The following UVRAG variants were observed in gnomAD, a reference collection of about 807,000 sequenced individuals.
UVRAG encodes UV radiation resistance-associated gene protein.
Under a neutral mutation model 78.0 loss-of-function variants are expected in UVRAG, and 19 were observed. The ratio of observed to expected loss-of-function variants is 0.24; its 90% CI spans 0.17 to 0.36. UVRAG has a LOEUF of 0.36. Ranked by LOEUF, UVRAG falls within the 10% of genes least tolerant of loss-of-function variation. The pLI is 1.00. For missense variants in UVRAG, 740 were observed against 853.8 expected, an observed-to-expected ratio of 0.87 and a Z score of 1.66; for synonymous variants, 323 against 324.6, an observed-to-expected ratio of 1.00 and a Z score of 0.05.
chr11:76,042,082 T>C (rs1049193357), intron 12 of UVRAG, among the ~76,000 whole-genome samples: 3 of 152,176 alleles, frequency 2.0e-5, no homozygotes, highest in Admixed American at 2.0e-4. Flanking sequence ...AGAAACTTGC[T>C]CAAAGGAGGG....
chr11:75,971,749 G>C (rs778924381), intron 7 of UVRAG, among the ~76,000 whole-genome samples: 7 of 151,686 alleles, frequency 4.6e-5, no homozygotes, highest in Non-Finnish European at 1.0e-4. Flanking sequence ...GCTGTAGCAC[G>C]ATCCTGGTTC....
chr11:75,857,335 G>C (rs971797244), intron 2 of UVRAG, among the ~76,000 whole-genome samples: 8 of 152,326 alleles, frequency 5.3e-5, no homozygotes, highest in Non-Finnish European at 1.0e-4. Context: ...TCTTCCAGCT[G>C]TCTGTGTTCC....
At chr11:75,828,794 TA>T (rs1945588571) in intron 1 of UVRAG, among the ~76,000 whole-genome samples, 2 of 93,746 alleles carry the variant, frequency 2.1e-5, no homozygotes, top group African/African-American at 9.2e-5. Flanking sequence ...TATATATATA[TA>T]TATATATATA....
At chr11:76,140,323 T>A (rs973035173) in intron 14 of UVRAG, among the ~76,000 whole-genome samples, 1 of 152,016 alleles carries the variant, frequency 6.6e-6, no homozygotes, top group African/African-American at 2.4e-5. Flanking sequence ...AATTGAATAC[T>A]AAAACAAGAA....
At position 76,065,692 on chromosome 11, in the gene UVRAG, C is replaced by A; in HGVS notation, c.1227-18C>A. 1.2e-6 allele frequency: 2 copies of A among 1,611,560 alleles called. No homozygotes were observed. The highest frequency in any genetic ancestry group is 1.7e-6 in the Non-Finnish European group (2 of 1,178,502). ...ACTCAGCTTTTGAAAATATCTGATCCTTTTTTACCTTTCTTAGGTTTCCAC... is the reference window on the plus strand; with the variant it reads ...ACTCAGCTTTTGAAAATATCTGATCATTTTTTACCTTTCTTAGGTTTCCAC... On this transcript the variant is annotated intron_variant, in intron 12 of 14. Coordinates refer to ENST00000356136, the MANE Select transcript of UVRAG (RefSeq NM_003369.4).
chr11:76,088,364 G>A (rs1457201017), intron 13 of UVRAG, among the ~76,000 whole-genome samples: 1 of 152,084 alleles, frequency 6.6e-6, no homozygotes, highest in Non-Finnish European at 1.5e-5. Flanking sequence ...ACGAGGACGA[G>A]GGGTGGGAAG....
At chr11:75,975,664 G>C (rs1949223769) in intron 7 of UVRAG, among the ~76,000 whole-genome samples, 1 of 152,120 alleles carries the variant, frequency 6.6e-6, no homozygotes, top group Admixed American at 6.5e-5. Context: ...TTGGCTCTCT[G>C]TTTTTCTGTT....
chr11:75,995,936 A>G (rs570658523), intron 8 of UVRAG, among the ~76,000 whole-genome samples: 1 of 152,150 alleles, frequency 6.6e-6, no homozygotes, highest in African/African-American at 2.4e-5. Flanking sequence ...CTGAGGACAG[A>G]TTCTCCCTAG....
intron 10 of UVRAG, 87 bp downstream of exon 10, chr11:76,007,708 T>C: frequency 9.9e-7 from 1 of 1,013,570 alleles, no homozygotes; most frequent in Non-Finnish European, 1.5e-6. Flanking sequence ...AACTCATTGC[T>C]TTAGGCTTAA....
At chr11:75,888,236 C>A (rs903411383) in intron 4 of UVRAG, among the ~76,000 whole-genome samples, 3 of 152,126 alleles carry the variant, frequency 2.0e-5, no homozygotes, top group Non-Finnish European at 1.5e-5. Context: ...CAGGCTCCGG[C>A]AGTCCTCCCA....
At chr11:75,877,802 A>AG (rs1186875909) in intron 3 of UVRAG, among the ~76,000 whole-genome samples, 18 of 115,124 alleles carry the variant, frequency 1.6e-4, no homozygotes, top group Non-Finnish European at 3.0e-4. Flanking sequence ...ACTTCCCAGT[A>AG]GGGGCGGCTG....
At chr11:76,051,903 G>A (rs1950876776) in intron 12 of UVRAG, among the ~76,000 whole-genome samples, 1 of 152,152 alleles carries the variant, frequency 6.6e-6, no homozygotes, top group African/African-American at 2.4e-5. Flanking sequence ...CCCATGGTCT[G>A]GCGTGGTGTG....
Position 75,911,958 on chromosome 11 carries a change from A to G in UVRAG, c.512A>G (p.Tyr171Cys). 1 of 1,607,458 alleles carries G rather than the reference A, an allele frequency of 6.2e-7. No individual in the cohort carries two copies. Among genetic ancestry groups the G allele is most frequent in the Non-Finnish European group, 8.5e-7 (1 of 1,175,174 alleles). The change falls in exon 6 of 15, where the codon TAT becomes TGT. Residue 171 changes from tyrosine to cysteine, a missense_variant. Physicochemically the swap from Tyr to Cys is radical, Grantham distance 194 (BLOSUM62 -2). Coordinates refer to ENST00000356136, the MANE Select transcript of UVRAG (RefSeq NM_003369.4). ...YYGAPFEHKGYSNAQKTILLQ... is the reference protein window; with the variant it reads ...YYGAPFEHKGCSNAQKTILLQ... The stretch of plus-strand genomic sequence containing the variant: ...TTGTTGGTTAATGTCTTTCAGGGTT[A>G]TTCAAATGCTCAGAAGACTATTCTT...
At chr11:76,116,549 C>T (rs984568843) in intron 14 of UVRAG, among the ~76,000 whole-genome samples, 1 of 152,170 alleles carries the variant, frequency 6.6e-6, no homozygotes, top group Admixed American at 6.5e-5. Flanking sequence ...GAAAGTGCTC[C>T]GTCAGGATAG....
rs546077719 is a variant in UVRAG, at chr11:76,020,687, C to T, written c.1226+3707C>T. 5.4e-5 allele frequency among the ~76,000 whole-genome samples: 7 copies of T among 129,770 alleles called. No homozygotes were observed. In the South Asian group the frequency reaches 1.7e-3, roughly 32 times the overall value. 85.1% of individuals were successfully genotyped at this position (129,770 alleles called of 152,430 possible). A position where few individuals can be genotyped will look rare whatever the true frequency, so the allele number is the denominator to read the frequency against. ...TTTTTTTTTTTTGCTGCAGGCTGCG[C>T]TGCCTAAGGTTGGTGAAGGGGTGTC... On this transcript the variant is annotated intron_variant, in intron 12 of 14. Coordinates refer to ENST00000356136, the MANE Select transcript of UVRAG (RefSeq NM_003369.4).
intron 6 of UVRAG, among the ~76,000 whole-genome samples, chr11:75,941,728 T>C (rs1206864557): frequency 6.6e-6 from 1 of 152,160 alleles, no homozygotes; most frequent in Non-Finnish European, 1.5e-5. Context: ...TAAGGAAATG[T>C]CATGTTTCCA....
chr11:76,136,737 G>A (rs1006314272), intron 14 of UVRAG, among the ~76,000 whole-genome samples: 1 of 151,590 alleles, frequency 6.6e-6, no homozygotes, highest in Non-Finnish European at 1.5e-5. Flanking sequence ...GGTTCAAGCA[G>A]TCCTCCCACC....
Position 75,817,889 on chromosome 11 carries a change from CA to C in UVRAG, c.117+2373del, listed in dbSNP as rs1370583103. 8.7e-3 allele frequency among the ~76,000 whole-genome samples: 758 copies of C among 87,510 alleles called. 11 individuals carry two copies. The highest frequency in any genetic ancestry group is 0.031 in the African/African-American group (719 of 22,892). 57.4% of individuals were successfully genotyped at this position (87,510 alleles called of 152,430 possible). A position where few individuals can be genotyped will look rare whatever the true frequency, so the allele number is the denominator to read the frequency against. ...TGAAACCCTGTCTCTACTAAAAGTA[CA>C]AAAAAAAGAAAAAAAAAAAAAAAGC... On this transcript the variant is annotated intron_variant, in intron 1 of 14. Coordinates refer to ENST00000356136, the MANE Select transcript of UVRAG (RefSeq NM_003369.4).
chr11:76,116,388 A>C (rs1952181038), intron 14 of UVRAG, among the ~76,000 whole-genome samples: 1 of 152,246 alleles, frequency 6.6e-6, no homozygotes, highest in African/African-American at 2.4e-5. Flanking sequence ...TAGAATGAGC[A>C]TCAGGACCAT....
Sources: gnomAD v4.1 joint callset for allele counts (sites outside exome capture counted in the v4.1 genomes callset) on GRCh38, gnomAD v4.1.1 for gene constraint, MANE v1.5 for transcripts, NCBI Gene and HGNC (gene_info 2026-07-23, HGNC 2026-07-21) for gene names.